FAH: variants seen among roughly 807,000 people sequenced by gnomAD.
The protein encoded by FAH is fumarylacetoacetate hydrolase.
Under a neutral mutation model 55.8 loss-of-function variants are expected in FAH, and 47 were observed. That is an observed-to-expected ratio of 0.84 (90% CI 0.67 to 1.07). The LOEUF is 1.07. Ranked by LOEUF, FAH falls within the 50% of genes least tolerant of loss-of-function variation. The pLI is 0.00. For missense variants in FAH, 495 were observed against 545.9 expected, an observed-to-expected ratio of 0.91 and a Z score of 0.93; for synonymous variants, 199 against 207.7, an observed-to-expected ratio of 0.96 and a Z score of 0.36.
At chr15:80,176,208 G>A (rs1428474718) in intron 10 of FAH, among the ~76,000 whole-genome samples, 1 of 151,966 alleles carries the variant, frequency 6.6e-6, no homozygotes, top group African/African-American at 2.4e-5. Context: ...TAGAGATGGG[G>A]TTTCTTCATG....
intron 10 of FAH, 166 bp from the exon 11 acceptor site, chr15:80,177,370 AC>A (rs767070783): frequency 1.3e-5 from 9 of 682,196 alleles, no homozygotes; most frequent in Non-Finnish European, 2.3e-5. Context: ...GTATTGGCCA[AC>A]CCTGGACCTC....
intron 7 of FAH, among the ~76,000 whole-genome samples, chr15:80,170,712 G>C (rs528851714): frequency 5.3e-5 from 8 of 152,372 alleles, no homozygotes; most frequent in African/African-American, 1.9e-4. Context: ...AGCATGTGGA[G>C]AAATGGTTGG....
intron 13 of FAH, among the ~76,000 whole-genome samples, chr15:80,185,292 T>C (rs1259566919): frequency 2.0e-5 from 3 of 152,338 alleles, no homozygotes; most frequent in East Asian, 1.9e-4. Context: ...GAGTTTTCTA[T>C]GCATTTGCTC....
chr15:80,184,299 G>A (rs1595898818), intron 13 of FAH, among the ~76,000 whole-genome samples: 1 of 151,930 alleles, frequency 6.6e-6, no homozygotes, highest in East Asian at 1.9e-4. Context: ...AAAGTCTTTC[G>A]TTTCTTGCCC....
chr15:80,170,351 T>C (rs1283341441), intron 7 of FAH, among the ~76,000 whole-genome samples: 1 of 152,058 alleles, frequency 6.6e-6, no homozygotes, highest in Non-Finnish European at 1.5e-5. Context: ...GCTGAGACAG[T>C]GGGAAGCCCT....
intron 5 of FAH, among the ~76,000 whole-genome samples, chr15:80,164,702 A>G (rs2041177369): frequency 6.6e-6 from 1 of 152,060 alleles, no homozygotes; most frequent in African/African-American, 2.4e-5. Context: ...CCTTTTTTTC[A>G]TCTGAATTGT....
At chr15:80,167,760 G>A (rs1310118100) in intron 5 of FAH, among the ~76,000 whole-genome samples, 3 of 151,996 alleles carry the variant, frequency 2.0e-5, no homozygotes, top group African/African-American at 4.8e-5. Flanking sequence ...TCGAACTCCT[G>A]GCCTCATGTG....
At chr15:80,157,192 C>T (rs2142090030) in intron 1 of FAH, 1 of 152,470 alleles carries the variant, frequency 6.6e-6, no homozygotes, top group East Asian at 1.9e-4. Flanking sequence ...CTCTGGTCTA[C>T]CCCGATTCCA....
intron 1 of FAH, among the ~76,000 whole-genome samples, chr15:80,154,699 C>T (rs1259638364): frequency 6.6e-6 from 1 of 152,212 alleles, no homozygotes; most frequent in Non-Finnish European, 1.5e-5. Context: ...ATGAATCCTG[C>T]CATCACTTTA....
At chr15:80,165,621 G>A (rs1046622996) in intron 5 of FAH, among the ~76,000 whole-genome samples, 33 of 151,954 alleles carry the variant, frequency 2.2e-4, no homozygotes, top group Non-Finnish European at 3.8e-4. Flanking sequence ...CTTGAACCTC[G>A]GAGGTGGAGG....
intron 11 of FAH, among the ~76,000 whole-genome samples, chr15:80,178,880 G>C (rs537400921): frequency 6.6e-6 from 1 of 152,158 alleles, no homozygotes; most frequent in East Asian, 1.9e-4. Context: ...GAGCCACTGC[G>C]CCCGGCCAAC....
chr15:80,176,191 T>C (rs1398333022), intron 10 of FAH, among the ~76,000 whole-genome samples: 2 of 152,108 alleles, frequency 1.3e-5, no homozygotes, highest in Non-Finnish European at 2.9e-5. Flanking sequence ...TAATTTTGTA[T>C]TTTTAGTAGA....
Position 80,168,099 on chromosome 15 carries a change from T to C in FAH, c.503T>C (p.Val168Ala). The C allele has an allele frequency of 6.2e-7, 1 of 1,614,188 alleles. No homozygotes were observed. Among genetic ancestry groups the C allele is most frequent in the Non-Finnish European group, 8.5e-7 (1 of 1,180,044 alleles). ...CATGGCCGTGCCTCCTCTGTCGTGGTGTCTGGCACCCCAATCCGAAGGCCC... is the reference window on the plus strand; with the variant it reads ...CATGGCCGTGCCTCCTCTGTCGTGGCGTCTGGCACCCCAATCCGAAGGCCC... Reference protein sequence around the residue: ...GYHGRASSVVVSGTPIRRPMG... With the variant: ...GYHGRASSVVASGTPIRRPMG... Residue 168 changes from valine to alanine, a missense_variant, in exon 6 of 14, where the codon GTG (valine) becomes GCG (alanine). Physicochemically the swap from Val to Ala is moderately conservative, Grantham distance 64. Coordinates refer to ENST00000561421, the MANE Select transcript of FAH (RefSeq NM_000137.4).
rs531809906 is a variant in FAH at position 80,180,740 on chromosome 15, G to C, written c.1063-302G>C. 1.6e-4 allele frequency among the ~76,000 whole-genome samples: 24 copies of C among 152,312 alleles called. 1 individual carries two copies. The highest frequency in any genetic ancestry group is 8.8e-5 in the Non-Finnish European group (6 of 68,024). On this transcript the variant is annotated intron_variant, in intron 12 of 13. Transcript: ENST00000561421. ...AAGCATCACGATATCTGGGCAAACT[G>C]CAGCCTCCAGAGCAGGGAGGGGATG...
intron 5 of FAH, among the ~76,000 whole-genome samples, chr15:80,163,943 A>G (rs985626936): frequency 2.0e-5 from 3 of 152,368 alleles, no homozygotes; most frequent in African/African-American, 7.2e-5. Context: ...AAAGATTTAG[A>G]TCAAGAAAGA....
At chr15:80,179,972 A>C (rs2041315201) in intron 11 of FAH, 152 bp from the exon 12 acceptor site, 2 of 684,134 alleles carry the variant, frequency 2.9e-6, no homozygotes, top group South Asian at 3.0e-5. Context: ...TGTCCTTACT[A>C]TAAGGGACTG....
At chr15:80,162,832 G>T (rs953554219) in intron 5 of FAH, 8 of 222,108 alleles carry the variant, frequency 3.6e-5, no homozygotes, top group Non-Finnish European at 6.4e-5. Flanking sequence ...AGGAAAATGG[G>T]CTCAGAGAAG....
chr15:80,173,100 C>G lies in FAH; in HGVS notation c.793C>G (p.Pro265Ala), dbSNP rs2041255022. The change falls in exon 9 of 14, where the codon CCC becomes GCC. Residue 265 changes from proline to alanine, a missense_variant. Pro to Ala is a conservative substitution (Grantham distance 27). Transcript: ENST00000561421. ...GACCACTGTCTCTCCGTGGGTGGTG[C>G]CCATGGATGCTCTCATGCCCTTTGC... ...FGTTVSPWVVPMDALMPFAVP... is the reference protein window; with the variant it reads ...FGTTVSPWVVAMDALMPFAVP... 1 of 1,614,100 alleles carries G rather than the reference C, an allele frequency of 6.2e-7. No homozygotes were observed. The highest frequency in any genetic ancestry group is 1.3e-5 in the African/African-American group (1 of 74,940).
intron 2 of FAH, among the ~76,000 whole-genome samples, chr15:80,159,017 C>T (rs543221758): frequency 1.9e-3 from 283 of 152,096 alleles, no homozygotes; most frequent in African/African-American, 6.6e-3. Flanking sequence ...GTGGGCAGAT[C>T]ACTTGAGGTC....
Sources: allele counts gnomAD v4.1 joint callset (sites outside exome capture counted in the v4.1 genomes callset), GRCh38; gene constraint gnomAD v4.1.1; transcripts MANE v1.5; gene names NCBI Gene and HGNC (gene_info 2026-07-23, HGNC 2026-07-21).